Variants in RAB10 observed in about 807,000 individuals in gnomAD.
RAB10 encodes the protein RAB10, member RAS oncogene family.
In RAB10, 5 loss-of-function variants were observed where a neutral mutation model predicts 25.7. The observed-to-expected ratio is 0.19, with a 90% CI of 0.10 to 0.41. RAB10 has a LOEUF of 0.41. Ranked by LOEUF, RAB10 falls within the 10% of genes least tolerant of loss-of-function variation. RAB10 has a pLI of 1.00. For missense variants in RAB10, 103 were observed against 245.8 expected (o/e 0.42, Z 3.89); for synonymous variants, 89 against 86.4 (o/e 1.03, Z -0.16).
At chr2:26,071,756 A>T (rs1666631188) in intron 1 of RAB10, among the ~76,000 whole-genome samples, 1 of 151,624 alleles carries the variant, frequency 6.6e-6, no homozygotes, top group Non-Finnish European at 1.5e-5. Context: ...AATTCCAGCT[A>T]CCCAAGAGGC....
At chr2:26,121,972 G>A (rs2149287958) in intron 3 of RAB10, among the ~76,000 whole-genome samples, 1 of 152,238 alleles carries the variant, frequency 6.6e-6, no homozygotes, top group African/African-American at 2.4e-5. Flanking sequence ...GAGGTCTTTT[G>A]TGGTTCTTGC....
intron 1 of RAB10, among the ~76,000 whole-genome samples, chr2:26,039,546 G>C (rs998955573): frequency 1.5e-5 from 2 of 137,820 alleles, no homozygotes; most frequent in African/African-American, 5.4e-5. Context: ...ATGCGGTTTT[G>C]CCATGTTGGC....
intron 1 of RAB10, 102 bp from the exon 2 acceptor site, chr2:26,098,558 AAC>A (rs1299882903): frequency 6.1e-6 from 5 of 825,950 alleles, no homozygotes; most frequent in Admixed American, 2.7e-5. Context: ...GAATCAAACA[AAC>A]ACAGACAAGT....
intron 3 of RAB10, among the ~76,000 whole-genome samples, chr2:26,119,187 G>A (rs1363497660): frequency 6.6e-6 from 1 of 152,096 alleles, no homozygotes; most frequent in Admixed American, 6.5e-5. Flanking sequence ...TGGGAGGATT[G>A]CTTGAGTTTA....
chr2:26,078,392 C>T (rs1382015657), intron 1 of RAB10, among the ~76,000 whole-genome samples: 1 of 152,070 alleles, frequency 6.6e-6, no homozygotes, highest in East Asian at 1.9e-4. Flanking sequence ...AGTTGGAAGC[C>T]TCAAATTTCC....
intron 1 of RAB10, among the ~76,000 whole-genome samples, chr2:26,052,069 A>C (rs1175808918): frequency 1.3e-5 from 2 of 150,808 alleles, no homozygotes; most frequent in African/African-American, 2.4e-5. Context: ...AAAAAAAAAA[A>C]CAAAAAGTCA....
At chr2:26,117,619 CAAA>C (rs71399361) in intron 3 of RAB10, among the ~76,000 whole-genome samples, 7 of 34,392 alleles carry the variant, frequency 2.0e-4, no homozygotes, top group Non-Finnish European at 2.9e-4. Context: ...GACTCCGTCT[CAAA>C]AAAAAAAAAA....
chr2:26,085,326 T>C (rs1666953301), intron 1 of RAB10, among the ~76,000 whole-genome samples: 1 of 151,216 alleles, frequency 6.6e-6, no homozygotes, highest in Non-Finnish European at 1.5e-5. Context: ...TCATCTCTAC[T>C]AAAAATAAAA....
rs967251830 is a variant in RAB10, at chr2:26,034,423, G to T, written c.-186G>T. The T allele has an allele frequency of 2.7e-6, 2 of 731,884 alleles. No individual in the cohort carries two copies. 45.3% of individuals were successfully genotyped at this position (731,884 alleles called of 1,614,324 possible). On this transcript the variant is annotated 5_prime_UTR_variant, in exon 1 of 6. Transcript: ENST00000264710. ...GGAGCCGCGGTCGCCGCCCTCGGAG[G>T]CACTGGACGCCGCCACTGTCGGGGC...
chr2:26,067,077 G>A (rs1485457206), intron 1 of RAB10, among the ~76,000 whole-genome samples: 1 of 151,694 alleles, frequency 6.6e-6, no homozygotes, highest in Non-Finnish European at 1.5e-5. Flanking sequence ...CCACCATGCC[G>A]CTCTATTTTT....
intron 1 of RAB10, among the ~76,000 whole-genome samples, chr2:26,095,332 G>A (rs1455845601): frequency 1.3e-5 from 2 of 152,096 alleles, no homozygotes; most frequent in African/African-American, 2.4e-5. Flanking sequence ...CTCAGGCCGG[G>A]CGCGGTGGCT....
Position 26,122,312 on chromosome 2 carries a change from G to A in RAB10, c.328-4832G>A, listed in dbSNP as rs113528934. ...CATGTTGAAAATGCAGCTCTTATGT[G>A]GGTACAGGATTGCTATAAGAAAGGC... is the stretch of plus-strand genomic sequence containing the variant. On this transcript the variant is annotated intron_variant, in intron 3 of 5. Coordinates refer to ENST00000264710, the MANE Select transcript of RAB10 (RefSeq NM_016131.5). Among the ~76,000 whole-genome samples the A allele has an allele frequency of 5.9e-5, 9 of 152,214 alleles. 1 individual carries two copies. Among genetic ancestry groups the A allele is most frequent in the African/African-American group, 2.2e-4 (9 of 41,554 alleles).
chr2:26,089,594 T>C (rs1419777279), intron 1 of RAB10, among the ~76,000 whole-genome samples: 1 of 152,184 alleles, frequency 6.6e-6, no homozygotes, highest in African/African-American at 2.4e-5. Context: ...AAGCAGCAAC[T>C]GCAACAACAA....
chr2:26,107,425 T>C (rs1667488305), intron 2 of RAB10, among the ~76,000 whole-genome samples: 1 of 152,112 alleles, frequency 6.6e-6, no homozygotes, highest in Non-Finnish European at 1.5e-5. Context: ...GGAGAAAATA[T>C]TTACAAGCCA....
At chr2:26,078,656 G>C (rs957502848) in intron 1 of RAB10, among the ~76,000 whole-genome samples, 2 of 152,134 alleles carry the variant, frequency 1.3e-5, no homozygotes, top group African/African-American at 4.8e-5. Flanking sequence ...TGGCCAGCTA[G>C]AGTTTCCACA....
At chr2:26,105,398 C>G (rs775661776) in intron 2 of RAB10, among the ~76,000 whole-genome samples, 27 of 152,218 alleles carry the variant, frequency 1.8e-4, no homozygotes, top group Admixed American at 9.8e-4. Context: ...CACCTGTAAT[C>G]TCAGCACTTT....
At chr2:26,109,641 G>C in intron 2 of RAB10, 127 bp from the exon 3 acceptor site, 1 of 927,898 alleles carries the variant, frequency 1.1e-6, no homozygotes, top group Non-Finnish European at 1.5e-6. Flanking sequence ...AGTATGGGTA[G>C]GTTATTAATT....
intron 3 of RAB10, among the ~76,000 whole-genome samples, chr2:26,126,475 C>CA (rs1251230865): frequency 2.0e-5 from 3 of 152,264 alleles, no homozygotes; most frequent in African/African-American, 7.2e-5. Flanking sequence ...CCCAGCTACT[C>CA]ACAGCTACTC....
intron 5 of RAB10, among the ~76,000 whole-genome samples, chr2:26,129,032 G>A (rs1667959256): frequency 6.6e-6 from 1 of 152,278 alleles, no homozygotes; most frequent in African/African-American, 2.4e-5. Flanking sequence ...CAGCACTTTG[G>A]GAGGCTGAGG....
Sources: gnomAD v4.1 joint callset for allele counts (sites outside exome capture counted in the v4.1 genomes callset) on GRCh38, gnomAD v4.1.1 for gene constraint, MANE v1.5 for transcripts, NCBI Gene and HGNC (gene_info 2026-07-23, HGNC 2026-07-21) for gene names.